The following SEC14L1 variants were observed in gnomAD, a reference collection of about 807,000 sequenced individuals.
SEC14L1 encodes the protein SEC14 like lipid binding 1.
Under a neutral mutation model 85.3 loss-of-function variants are expected in SEC14L1, and 48 were observed. The ratio of observed to expected loss-of-function variants is 0.56; its 90% CI spans 0.45 to 0.72. The LOEUF (loss-of-function observed/expected upper bound fraction) is 0.72, where lower values mean the gene tolerates loss of function less well. Among genes scored for constraint, SEC14L1 ranks in the 30% least tolerant of loss-of-function variants. The pLI, the probability that SEC14L1 is intolerant of heterozygous loss-of-function variation, is 0.00. For synonymous variants in SEC14L1, 391 were observed against 355.5 expected (o/e 1.10, Z -1.12); for missense variants, 682 against 921.4 (o/e 0.74, Z 3.36).
intron 10 of SEC14L1, among the ~76,000 whole-genome samples, chr17:77,204,240 G>A (rs180907726): frequency 2.0e-5 from 3 of 151,964 alleles, no homozygotes; most frequent in African/African-American, 4.8e-5. Flanking sequence ...TTTTTGAGAC[G>A]GAGTTTCACT....
chr17:77,096,343 G>T (rs928783611), intron 3 of SEC14L1, among the ~76,000 whole-genome samples: 22 of 131,656 alleles, frequency 1.7e-4, no homozygotes, highest in Non-Finnish European at 2.8e-4. Flanking sequence ...GATCACCTGA[G>T]GTCAAGAGTT....
chr17:77,183,636 T>G (rs1975140829), intron 3 of SEC14L1, among the ~76,000 whole-genome samples: 1 of 151,996 alleles, frequency 6.6e-6, no homozygotes, highest in Admixed American at 6.6e-5. Flanking sequence ...CTCAGAAAAA[T>G]ACAAATAAAA....
At chr17:77,192,917 C>T (rs1388095053) in intron 5 of SEC14L1, among the ~76,000 whole-genome samples, 1 of 152,246 alleles carries the variant, frequency 6.6e-6, no homozygotes, top group Non-Finnish European at 1.5e-5. Context: ...CCACCTTGGC[C>T]TCCCAAAGTG....
At chr17:77,203,759 A>G in intron 10 of SEC14L1, 101 bp downstream of exon 10, 3 of 822,738 alleles carry the variant, frequency 3.6e-6, no homozygotes, top group Non-Finnish European at 6.0e-6. Context: ...ACAAACATGA[A>G]TTGCTTATGT....
At chr17:77,122,447 G>A (rs534038937) in intron 3 of SEC14L1, among the ~76,000 whole-genome samples, 1 of 151,922 alleles carries the variant, frequency 6.6e-6, no homozygotes, top group African/African-American at 2.4e-5. Context: ...GACTACAGGT[G>A]TACACCACCA....
chr17:77,196,134 G>A lies in SEC14L1; in HGVS notation c.710-68G>A. The stretch of plus-strand genomic sequence containing the variant: ...TAGGACCACACGTTAACTCCACTGA[G>A]CACAAAGACTTTGGGAGCCTAAAGC... On this transcript the variant is annotated intron_variant, in intron 7 of 16. Transcript: ENST00000436233. The A allele has an allele frequency of 8.9e-6, 11 of 1,235,932 alleles. No individual in the cohort carries two copies. The South Asian group carries it at 1.3e-4, about 15-fold the overall frequency. 76.6% of individuals were successfully genotyped at this position (1,235,932 alleles called of 1,614,324 possible). A position where few individuals can be genotyped will look rare whatever the true frequency, so the allele number is the denominator to read the frequency against.
chr17:77,121,793 C>T (rs1213444457), intron 3 of SEC14L1, among the ~76,000 whole-genome samples: 2 of 152,206 alleles, frequency 1.3e-5, no homozygotes, highest in African/African-American at 4.8e-5. Context: ...GCTGGGACTC[C>T]AATCCTTTGT....
chr17:77,151,364 A>G (rs1218028467), intron 3 of SEC14L1, among the ~76,000 whole-genome samples: 2 of 152,136 alleles, frequency 1.3e-5, no homozygotes, highest in Admixed American at 6.5e-5. Flanking sequence ...AAAATGGACA[A>G]TTAGAGTGAG....
chr17:77,171,061 C>T (rs1253907355), intron 3 of SEC14L1, among the ~76,000 whole-genome samples: 2 of 152,128 alleles, frequency 1.3e-5, no homozygotes, highest in Admixed American at 6.5e-5. Context: ...TTTGGAATGG[C>T]GTTAACCCTG....
At chr17:77,165,321 C>CA (rs968278571) in intron 3 of SEC14L1, among the ~76,000 whole-genome samples, 20 of 152,272 alleles carry the variant, frequency 1.3e-4, no homozygotes, top group Admixed American at 1.3e-3. Context: ...GAGGTGCTGA[C>CA]AACATGTGCT....
chr17:77,214,105 G>A lies in SEC14L1; in HGVS notation c.*82G>A, dbSNP rs554846673. 6.1e-4 allele frequency: 941 copies of A among 1,547,078 alleles called. No homozygotes were observed. Among genetic ancestry groups the A allele is most frequent in the Middle Eastern group, 1.9e-3 (8 of 4,154 alleles). The stretch of plus-strand genomic sequence containing the variant: ...CAGCTGCACCCGCCCACCCAGCGGC[G>A]ACATTGTACAGACTCCTCTCACCTC... On this transcript the variant is annotated 3_prime_UTR_variant, in exon 17 of 17. Transcript: ENST00000436233.
chr17:77,098,471 C>T (rs1460087944), intron 3 of SEC14L1, among the ~76,000 whole-genome samples: 3 of 151,860 alleles, frequency 2.0e-5, no homozygotes, highest in Non-Finnish European at 2.9e-5. Flanking sequence ...TGGACTTCAG[C>T]CTGGGCGACA....
At position 77,123,236 on chromosome 17, in the gene SEC14L1, A is replaced by T. The variant is rs567668731; in HGVS notation, c.-135-19410A>T. 4.0e-5 allele frequency among the ~76,000 whole-genome samples: 6 copies of T among 150,830 alleles called. No homozygotes were observed. The East Asian group carries it at 1.2e-3, about 30-fold the overall frequency. On this transcript the variant is annotated intron_variant, in intron 3 of 19. Transcript: ENST00000392476. ...AGCTAATTTTTTGTATTTTTAGTAG[A>T]GATGGGGATTCACCATGTTGGCCAG...
At chr17:77,176,108 G>A (rs147545904) in intron 3 of SEC14L1, among the ~76,000 whole-genome samples, 1 of 152,178 alleles carries the variant, frequency 6.6e-6, no homozygotes, top group Admixed American at 6.5e-5. Context: ...TGACCAACAT[G>A]GTGAAACCCT....
At chr17:77,149,296 C>T (rs991790316) in intron 3 of SEC14L1, among the ~76,000 whole-genome samples, 2 of 152,124 alleles carry the variant, frequency 1.3e-5, no homozygotes, top group South Asian at 2.1e-4. Context: ...CTCCCAAGCG[C>T]GGGTGCTAAG....
chr17:77,136,104 T>C (rs995251543), upstream of SEC14L1, among the ~76,000 whole-genome samples: 1 of 152,054 alleles, frequency 6.6e-6, no homozygotes, highest in African/African-American at 2.4e-5. Flanking sequence ...TTCGATCTCC[T>C]GACCTTGTGA....
intron 3 of SEC14L1, among the ~76,000 whole-genome samples, chr17:77,095,201 T>C (rs1237687292): frequency 6.6e-6 from 1 of 152,206 alleles, no homozygotes; most frequent in East Asian, 1.9e-4. Flanking sequence ...TAACATCTTA[T>C]TTATAGCGTG....
At position 77,190,970 on chromosome 17, in the gene SEC14L1, C is replaced by T. The variant is rs1234628010; in HGVS notation, c.213+18C>T. ...TGAAGAAGGTAAAGGTCGGAAAGGA[C>T]GTCTTGGAGGGAAAGGGCGTCCTGG... On this transcript the variant is annotated intron_variant, in intron 4 of 16. Transcript: ENST00000436233. 3.1e-6 allele frequency: 5 copies of T among 1,612,186 alleles called. No homozygotes were observed. The highest frequency in any genetic ancestry group is 1.7e-4 in the Middle Eastern group (1 of 6,056).
In SEC14L1 at chr17:77,215,674, C is replaced by G. The variant is rs1368810107; in HGVS notation, c.*1651C>G. The G allele has an allele frequency of 2.0e-6, 2 of 992,306 alleles. No individual in the cohort carries two copies. Among genetic ancestry groups the G allele is most frequent in the African/African-American group, 3.5e-5 (2 of 57,216 alleles). 61.5% of individuals were successfully genotyped at this position (992,306 alleles called of 1,614,324 possible). On this transcript the variant is annotated 3_prime_UTR_variant, in exon 17 of 17. Transcript: ENST00000436233. ...TTTGTGTTTGCTCTTAGAGATCGAG[C>G]TCCTCAGTGGTACCTGAAGCCTTTG...
Sources: gnomAD v4.1 joint callset for allele counts (sites outside exome capture counted in the v4.1 genomes callset) on GRCh38, gnomAD v4.1.1 for gene constraint, MANE v1.5 for transcripts, NCBI Gene and HGNC (gene_info 2026-07-23, HGNC 2026-07-21) for gene names.